Variants in L3MBTL4 observed in about 807,000 individuals in gnomAD.
L3MBTL4 encodes L3MBTL histone methyl-lysine binding protein 4.
L3MBTL4 carries 70 observed loss-of-function variants against 84.5 expected under a neutral mutation model. The observed-to-expected ratio is 0.83, with a 90% confidence interval of 0.68 to 1.01. The LOEUF (loss-of-function observed/expected upper bound fraction) is 1.01, where lower values mean the gene tolerates loss of function less well. Among genes scored for constraint, L3MBTL4 ranks in the 50% least tolerant of loss-of-function variants. The probability of loss-of-function intolerance (pLI) is 0.00; values close to 1 mark genes in which losing one functional copy is unlikely to be tolerated. For missense variants in L3MBTL4, 715 were observed against 754.8 expected (o/e 0.95, Z 0.62); for synonymous variants, 274 against 259.8 (o/e 1.05, Z -0.52).
At chr18:6,196,799 A>G (rs2045418356) in intron 12 of L3MBTL4, among the ~76,000 whole-genome samples, 1 of 152,194 alleles carries the variant, frequency 6.6e-6, no homozygotes, top group South Asian at 2.1e-4. Context: ...GGAAGCCACA[A>G]CCATGTTGTT....
At chr18:6,031,946 G>T in intron 16 of L3MBTL4, 1 of 610,332 alleles carries the variant, frequency 1.6e-6, no homozygotes. Context: ...CCCATTAAAA[G>T]GAATTTCTCC....
At chr18:6,229,628 G>A (rs2046914194) in intron 10 of L3MBTL4, among the ~76,000 whole-genome samples, 1 of 152,062 alleles carries the variant, frequency 6.6e-6, no homozygotes, top group Non-Finnish European at 1.5e-5. Context: ...GTTTTCTTAT[G>A]TTTAGGTCTT....
At chr18:6,030,601 C>T (rs771471929) in intron 16 of L3MBTL4, 33 of 770,658 alleles carry the variant, frequency 4.3e-5, no homozygotes, top group East Asian at 1.3e-4. Flanking sequence ...CAGGTTCAAG[C>T]GATTCTCTCG....
At chr18:6,210,126 G>A (rs1347780197) in intron 12 of L3MBTL4, among the ~76,000 whole-genome samples, 4 of 152,156 alleles carry the variant, frequency 2.6e-5, no homozygotes, top group Non-Finnish European at 4.4e-5. Flanking sequence ...TTTAAGGTAC[G>A]TGAATTGTAT....
At chr18:6,082,791 TG>T (rs1340665572) in intron 15 of L3MBTL4, among the ~76,000 whole-genome samples, 1 of 152,188 alleles carries the variant, frequency 6.6e-6, no homozygotes, top group Admixed American at 6.5e-5. Context: ...CAATTGATCA[TG>T]GGTATATTTC....
intron 4 of L3MBTL4, among the ~76,000 whole-genome samples, chr18:6,285,058 C>T (rs2049506327): frequency 1.3e-5 from 2 of 152,324 alleles, no homozygotes; most frequent in African/African-American, 4.8e-5. Flanking sequence ...CGGAGGGCGT[C>T]GAGAGGACGG....
chr18:6,145,167 A>G (rs1237280487), intron 13 of L3MBTL4, among the ~76,000 whole-genome samples: 3 of 152,234 alleles, frequency 2.0e-5, no homozygotes, highest in African/African-American at 7.2e-5. Flanking sequence ...GTAAAAGATC[A>G]AGGCAAAAAT....
Position 6,024,574 on chromosome 18 carries a change from C to A in L3MBTL4, c.1445-55012G>T, listed in dbSNP as rs148649866. Among the ~76,000 whole-genome samples the A allele has an allele frequency of 3.1e-3, 467 of 152,298 alleles. 3 individuals are homozygous for A. The highest frequency in any genetic ancestry group is 0.011 in the African/African-American group (450 of 41,558). The stretch of plus-strand genomic sequence containing the variant: ...ATGCAAACTTCCTACTTTCCCCCCT[C>A]AAGGTACACTATCTGAAGGAAACCA... On this transcript the variant is annotated intron_variant, in intron 16 of 18. Coordinates refer to ENST00000317931, the MANE Select transcript of L3MBTL4 (RefSeq NM_001330559.2).
chr18:6,198,306 T>G (rs1054589148), intron 12 of L3MBTL4, among the ~76,000 whole-genome samples: 5 of 152,188 alleles, frequency 3.3e-5, no homozygotes, highest in African/African-American at 1.2e-4. Flanking sequence ...CTAATCTGAT[T>G]TATTCCCTGT....
chr18:5,969,282 A>C, intron 17 of L3MBTL4, 111 bp downstream of exon 17: 4 of 1,204,880 alleles, frequency 3.3e-6, no homozygotes, highest in Middle Eastern at 2.4e-4. Context: ...TGCGATGCCT[A>C]AGAGAAAAAG....
chr18:5,991,410 A>G (rs976390303), intron 16 of L3MBTL4, among the ~76,000 whole-genome samples: 5 of 152,216 alleles, frequency 3.3e-5, no homozygotes, highest in Admixed American at 2.0e-4. Context: ...CTCAAGATGA[A>G]CACGGCTTTG....
chr18:6,046,208 T>C (rs2065915283), intron 16 of L3MBTL4, among the ~76,000 whole-genome samples: 1 of 152,208 alleles, frequency 6.6e-6, no homozygotes, highest in African/African-American at 2.4e-5. Flanking sequence ...AAGACTTAGC[T>C]ATCCTAAACA....
At chr18:6,278,185 T>C (rs569877393) in intron 4 of L3MBTL4, among the ~76,000 whole-genome samples, 1 of 152,266 alleles carries the variant, frequency 6.6e-6, no homozygotes, top group Admixed American at 6.5e-5. Flanking sequence ...CTGAATTGAA[T>C]TGAAGGGTTT....
chr18:6,073,145 C>T (rs1314592564), intron 16 of L3MBTL4, among the ~76,000 whole-genome samples: 1 of 150,268 alleles, frequency 6.7e-6, no homozygotes, highest in African/African-American at 2.5e-5. Flanking sequence ...TTAATTGAAA[C>T]AGACAGAGGC....
chr18:6,064,958 G>A (rs617993), intron 16 of L3MBTL4, among the ~76,000 whole-genome samples: 9 of 151,690 alleles, frequency 5.9e-5, no homozygotes, highest in African/African-American at 1.9e-4. Context: ...TAAACTCTTC[G>A]CCATTCAGCG....
intron 17 of L3MBTL4, among the ~76,000 whole-genome samples, chr18:5,962,472 G>A (rs950399826): frequency 5.3e-5 from 8 of 152,080 alleles, no homozygotes; most frequent in African/African-American, 1.4e-4. Flanking sequence ...GGAGGGCCAC[G>A]TGGTTCCAGG....
chr18:6,135,585 G>A (rs2060005825), intron 14 of L3MBTL4, among the ~76,000 whole-genome samples: 1 of 152,048 alleles, frequency 6.6e-6, no homozygotes, highest in Admixed American at 6.5e-5. Context: ...CAAATCTCTA[G>A]GGCAAGGGCA....
intron 1 of L3MBTL4, among the ~76,000 whole-genome samples, chr18:6,318,782 C>T (rs376166683): frequency 6.6e-6 from 1 of 151,908 alleles, no homozygotes; most frequent in African/African-American, 2.4e-5. Context: ...ACAAATGAAG[C>T]TAACATATAT....
At chr18:6,084,839 C>T (rs1314800604) in intron 15 of L3MBTL4, among the ~76,000 whole-genome samples, 1 of 152,120 alleles carries the variant, frequency 6.6e-6, no homozygotes, top group South Asian at 2.1e-4. Context: ...TTGAACTGGG[C>T]CTCAATACAA....
Sources: allele counts gnomAD v4.1 joint callset (sites outside exome capture counted in the v4.1 genomes callset), GRCh38; gene constraint gnomAD v4.1.1; transcripts MANE v1.5; gene names NCBI Gene and HGNC (gene_info 2026-07-23, HGNC 2026-07-21).